HIVEP2: variants seen among roughly 807,000 people sequenced by gnomAD.
HIVEP2 encodes the protein HIVEP zinc finger 2, also known as transcription factor HIVEP2.
In HIVEP2, 14 loss-of-function variants were observed where a neutral mutation model predicts 180.7. The ratio of observed to expected loss-of-function variants is 0.08; its 90% CI spans 0.05 to 0.12. HIVEP2 has a LOEUF of 0.12. Ranked by LOEUF, HIVEP2 falls within the 10% of genes least tolerant of loss-of-function variation. The pLI is 1.00. For missense variants in HIVEP2, 2,579 were observed against 3,008.5 expected (o/e 0.86, Z 3.34); for synonymous variants, 1,184 against 1,136.4 (o/e 1.04, Z -0.84).
intron 6 of HIVEP2, among the ~76,000 whole-genome samples, chr6:142,765,336 A>G (rs1025676170): frequency 6.6e-6 from 1 of 152,236 alleles, no homozygotes; most frequent in African/African-American, 2.4e-5. Context: ...GGACATACAA[A>G]AAGCATACCA....
chr6:142,907,193 T>C (rs1777284302), intron 1 of HIVEP2, among the ~76,000 whole-genome samples: 1 of 152,220 alleles, frequency 6.6e-6, no homozygotes, highest in Non-Finnish European at 1.5e-5. Context: ...ATGTTGGAGA[T>C]TGTTCATTTC....
intron 2 of HIVEP2, among the ~76,000 whole-genome samples, chr6:142,804,143 G>GA (rs369400576): frequency 6.6e-6 from 1 of 152,118 alleles, no homozygotes; most frequent in Admixed American, 6.6e-5. Context: ...ATTTTAATTG[G>GA]AAAAATTTTC....
At chr6:142,876,870 AC>A in intron 1 of HIVEP2, among the ~76,000 whole-genome samples, 1 of 151,940 alleles carries the variant, frequency 6.6e-6, no homozygotes, top group Non-Finnish European at 1.5e-5. Context: ...ACACACACAC[AC>A]ACACACACAC....
chr6:142,887,592 T>C (rs1776734314), intron 1 of HIVEP2, among the ~76,000 whole-genome samples: 2 of 152,166 alleles, frequency 1.3e-5, no homozygotes, highest in Admixed American at 1.3e-4. Flanking sequence ...TTGAATCCCA[T>C]AAAAGGTTAT....
At chr6:142,931,440 GC>G (rs767914767) in intron 1 of HIVEP2, among the ~76,000 whole-genome samples, 42 of 152,144 alleles carry the variant, frequency 2.8e-4, no homozygotes, top group Non-Finnish European at 5.3e-4. Context: ...TTTGAGCTCA[GC>G]CTAGTATCAG....
intron 1 of HIVEP2, among the ~76,000 whole-genome samples, chr6:142,890,947 G>T (rs918480095): frequency 6.6e-6 from 1 of 152,138 alleles, no homozygotes; most frequent in Non-Finnish European, 1.5e-5. Context: ...ATTACCGGTG[G>T]TGTAGTTTTT....
At chr6:142,846,180 G>A (rs1442148571) in intron 1 of HIVEP2, among the ~76,000 whole-genome samples, 1 of 152,162 alleles carries the variant, frequency 6.6e-6, no homozygotes, top group Non-Finnish European at 1.5e-5. Flanking sequence ...ATAGCAAACT[G>A]GGACGTGGTA....
intron 1 of HIVEP2, among the ~76,000 whole-genome samples, chr6:142,839,162 G>A (rs569126505): frequency 1.2e-4 from 19 of 152,160 alleles, no homozygotes; most frequent in South Asian, 6.2e-4. Context: ...TAAGCCTCGC[G>A]TACAAACCAC....
rs1775612666 is a variant in HIVEP2, at chr6:142,773,566, G to C, written c.1173C>G (p.His391Gln). Reference sequence around the variant, plus strand: ...AACCAGAATCAGTGCTTCCTTTACTGTGCGGGCTCAGAAGGTTGAGCGATG... The same window carrying C: ...AACCAGAATCAGTGCTTCCTTTACTCTGCGGGCTCAGAAGGTTGAGCGATG... Reference protein sequence around the residue: ...SEPSLNLLSPHSKGSTDSGYF... With the variant: ...SEPSLNLLSPQSKGSTDSGYF... Residue 391 changes from histidine (H) to glutamine (Q), a missense_variant, in exon 5 of 10, where the codon CAC (histidine) becomes CAG (glutamine). Physicochemically the swap from His to Gln is conservative, Grantham distance 24. Transcript: ENST00000367603. 6.2e-7 allele frequency: 1 copy of C among 1,614,218 alleles called. No individual in the cohort carries two copies.
At position 142,773,736 on chromosome 6, in the gene HIVEP2, T is replaced by C; in HGVS notation, c.1003A>G (p.Ile335Val). ...TGAGAGCTTTCATTAGGGAGAGGAA[T>C]CCCACTTTTAGGGATAATCAAAATC... ...VPILIIPKSG[I>V]PLPNESSQYI... The change falls in exon 5 of 10, where the codon ATT becomes GTT. Residue 335 changes from isoleucine (I) to valine (V), a missense_variant. This residue lies in a region of HIVEP2 where 142 missense variants were observed against 135.2 expected (regional missense o/e 1.05). Transcript: ENST00000367603. 1 of 1,614,034 alleles carries C rather than the reference T, an allele frequency of 6.2e-7. No homozygotes were observed. The highest frequency in any genetic ancestry group is 2.2e-5 in the East Asian group (1 of 44,882).
intron 1 of HIVEP2, among the ~76,000 whole-genome samples, chr6:142,839,748 C>T (rs1775316164): frequency 6.6e-6 from 1 of 152,068 alleles, no homozygotes; most frequent in Non-Finnish European, 1.5e-5. Context: ...TCTAGAGTAG[C>T]AACCACACTC....
intron 1 of HIVEP2, among the ~76,000 whole-genome samples, chr6:142,909,399 C>A (rs1485090167): frequency 6.6e-6 from 1 of 152,054 alleles, no homozygotes; most frequent in Non-Finnish European, 1.5e-5. Context: ...TATATATCTA[C>A]ATATATGAGT....
At chr6:142,942,057 ATTACT>A (rs1287799537) in intron 1 of HIVEP2, among the ~76,000 whole-genome samples, 4 of 152,214 alleles carry the variant, frequency 2.6e-5, no homozygotes, top group South Asian at 2.1e-4. Context: ...CAGTTATTAA[ATTACT>A]TTACATCCTC....
chr6:142,815,539 T>C (rs551679583), intron 2 of HIVEP2, among the ~76,000 whole-genome samples: 2 of 152,178 alleles, frequency 1.3e-5, no homozygotes, highest in Non-Finnish European at 2.9e-5. Flanking sequence ...CCAGATTCCA[T>C]TAAAACAAAA....
intron 1 of HIVEP2, among the ~76,000 whole-genome samples, chr6:142,861,716 C>G (rs1775983562): frequency 6.6e-6 from 1 of 152,146 alleles, no homozygotes; most frequent in African/African-American, 2.4e-5. Flanking sequence ...TTAATGTCAT[C>G]TAAGTTCAAA....
Position 142,771,495 on chromosome 6 carries a change from G to C in HIVEP2, c.3244C>G (p.Arg1082Gly). ...SRERKKCFLV[R>G]QASFSGSPEI... ...GGGGAGCCACTGAAGGAAGCTTGCC[G>C]CACCAGAAAGCATTTCTTCCTCTCC... The change falls in exon 5 of 10, where the codon CGG becomes GGG. Residue 1082 changes from arginine to glycine, a missense_variant. Coordinates refer to ENST00000367603, the MANE Select transcript of HIVEP2 (RefSeq NM_006734.4). This position sits in a 1 kb window ranked among gnomAD's most constrained non-coding sequence, Gnocchi z 5.4. 6.2e-7 allele frequency: 1 copy of C among 1,613,606 alleles called. No homozygotes were observed.
At chr6:142,809,033 A>G (rs1396258779) in intron 2 of HIVEP2, among the ~76,000 whole-genome samples, 1 of 152,094 alleles carries the variant, frequency 6.6e-6, no homozygotes, top group Non-Finnish European at 1.5e-5. Flanking sequence ...AAATCCGAGT[A>G]CAAGGTCTTT....
At chr6:142,807,314 G>A (rs963842128) in intron 2 of HIVEP2, among the ~76,000 whole-genome samples, 8 of 152,088 alleles carry the variant, frequency 5.3e-5, no homozygotes, top group Non-Finnish European at 7.4e-5. Context: ...TGCATGCCCT[G>A]AGTACACTCC....
At chr6:142,853,471 T>C (rs1775742411) in intron 1 of HIVEP2, among the ~76,000 whole-genome samples, 1 of 152,222 alleles carries the variant, frequency 6.6e-6, no homozygotes, top group Non-Finnish European at 1.5e-5. Context: ...TGGAATGTGT[T>C]TCCCTCTAAA....
Sources: allele counts gnomAD v4.1 joint callset (sites outside exome capture counted in the v4.1 genomes callset), GRCh38; gene constraint gnomAD v4.1.1; regional missense constraint gnomAD v4.1.1; non-coding constraint Gnocchi (gnomAD v3.1); transcripts MANE v1.5; gene names NCBI Gene and HGNC (gene_info 2026-07-23, HGNC 2026-07-21).